CPHXL: variants seen among roughly 807,000 people sequenced by gnomAD.
CPHXL encodes cytoplasmic polyadenylated homeobox-like protein.
In CPHXL at chr16:75,714,225, T is replaced by A; in HGVS notation, c.1217A>T (p.Ter406LeuextTer?). 2.5e-6 allele frequency: 1 copy of A among 398,632 alleles called. No individual in the cohort carries two copies. The highest frequency in any genetic ancestry group is 4.4e-6 in the Non-Finnish European group (1 of 226,108). The allele number at this position is 398,632 out of a possible 1,614,324, so 24.7% of individuals were successfully genotyped here. A position where few individuals can be genotyped will look rare whatever the true frequency, so the allele number is the denominator to read the frequency against. Residue 406 changes from the stop codon to leucine, a stop_lost, in exon 3 of 3, where the codon TAA becomes TTA. Coordinates refer to ENST00000640559, the MANE Select transcript of CPHXL (RefSeq NM_001355613.1). The stretch of plus-strand genomic sequence containing the variant: ...GCAGACCCTTGTCCACTCTTCAACT[T>A]AAAGTTGCTGCATTTGGGTCCTGGG... Reference protein sequence around the residue: ...EQPRTQMQQL* With the variant: ...EQPRTQMQQLL
In CPHXL at chr16:75,718,422, C is replaced by T; in HGVS notation, c.62G>A (p.Arg21Lys). The stretch of plus-strand genomic sequence containing the variant: ...TGTTTTTCTTTTATTCTTTGTTTGT[C>T]TTTCTTCATTATGATGATCCTCTTC... ...PAEEDHHNEE[R>K]QTKNKRKTKH... is the part of the protein sequence containing the mutation. The change falls in exon 2 of 3, where the codon AGA (arginine) becomes AAA (lysine). Residue 21 changes from arginine (R) to lysine (K), a missense_variant. By Grantham distance (26) the Arg-to-Lys change is conservative. Transcript: ENST00000640559. The T allele has an allele frequency of 2.5e-6, 1 of 398,424 alleles. No homozygotes were observed. The highest frequency in any genetic ancestry group is 4.4e-5 in the Admixed American group (1 of 22,698). 24.7% of individuals were successfully genotyped at this position (398,424 alleles called of 1,614,324 possible).
At position 75,726,487 on chromosome 16, in the gene CPHXL, G is replaced by C. The variant is rs887225756; in HGVS notation, c.-45C>G. ...ACTTCACGGAGACCAGCAAGCAACT[G>C]AGATCAGCAAGCAACTGAGCAGCTC... On this transcript the variant is annotated 5_prime_UTR_variant, in exon 1 of 3. Coordinates refer to ENST00000640559, the MANE Select transcript of CPHXL (RefSeq NM_001355613.1). 3 of 398,364 alleles carry C rather than the reference G, an allele frequency of 7.5e-6. No homozygotes were observed. Among genetic ancestry groups the C allele is most frequent in the Non-Finnish European group, 1.3e-5 (3 of 225,992 alleles). The allele number at this position is 398,364 out of a possible 1,614,324, so 24.7% of individuals were successfully genotyped here.
chr16:75,726,272 A>G (rs1422474446), intron 1 of CPHXL, 146 bp downstream of exon 1: 2 of 396,668 alleles, frequency 5.0e-6, no homozygotes, highest in Non-Finnish European at 8.9e-6. Context: ...CAAAGTACCC[A>G]TGAATGCCCT....
Position 75,717,936 on chromosome 16 carries a change from G to A in CPHXL, c.219+329C>T, listed in dbSNP as rs528951115. Among the ~76,000 whole-genome samples, 404 of 152,204 alleles carry A rather than the reference G, an allele frequency of 2.7e-3. 3 individuals carry two copies. The highest frequency in any genetic ancestry group is 7.7e-3 in the South Asian group (37 of 4,832). On this transcript the variant is annotated intron_variant, in intron 2 of 2. Transcript: ENST00000640559. ...TACTTATTGCCCTTTAATTTTATATGGAACAGCTGGATGTGGTGACTCACG... is the reference window on the plus strand; with the variant it reads ...TACTTATTGCCCTTTAATTTTATATAGAACAGCTGGATGTGGTGACTCACG...
At chr16:75,717,347 AT>A (rs1317188732) in intron 2 of CPHXL, among the ~76,000 whole-genome samples, 1 of 152,070 alleles carries the variant, frequency 6.6e-6, no homozygotes, top group Non-Finnish European at 1.5e-5. Flanking sequence ...AATTCTTTAC[AT>A]TTTTCATATT....
intron 1 of CPHXL, among the ~76,000 whole-genome samples, chr16:75,718,695 C>A (rs566874715): frequency 6.6e-6 from 1 of 152,158 alleles, no homozygotes; most frequent in Non-Finnish European, 1.5e-5. Context: ...AGAGTTTTAT[C>A]GAAACACCAT....
intron 2 of CPHXL, among the ~76,000 whole-genome samples, chr16:75,716,427 T>C (rs916542583): frequency 6.6e-6 from 1 of 152,200 alleles, no homozygotes; most frequent in Non-Finnish European, 1.5e-5. Flanking sequence ...TTTGATTAAC[T>C]TGCCAGAGTG....
chr16:75,719,829 G>A (rs1959449322), intron 1 of CPHXL, among the ~76,000 whole-genome samples: 1 of 152,132 alleles, frequency 6.6e-6, no homozygotes, highest in Admixed American at 6.6e-5. Flanking sequence ...TGACCCCTGA[G>A]TAGCCTAACT....
intron 1 of CPHXL, among the ~76,000 whole-genome samples, chr16:75,724,620 A>G (rs1422955256): frequency 6.6e-6 from 1 of 152,214 alleles, no homozygotes; most frequent in Non-Finnish European, 1.5e-5. Flanking sequence ...CAAAGTCAGG[A>G]AACAACAGGT....
At chr16:75,723,461 A>G in intron 1 of CPHXL, among the ~76,000 whole-genome samples, 1 of 152,302 alleles carries the variant, frequency 6.6e-6, no homozygotes, top group South Asian at 2.1e-4. Flanking sequence ...CCAATAACAG[A>G]CAAACAGAGA....
chr16:75,725,997 A>C (rs1959554054), intron 1 of CPHXL, among the ~76,000 whole-genome samples: 2 of 152,096 alleles, frequency 1.3e-5, no homozygotes, highest in African/African-American at 4.8e-5. Context: ...AATGTACAAA[A>C]TTACCAAAAG....
At chr16:75,723,545 G>T (rs569117316) in intron 1 of CPHXL, among the ~76,000 whole-genome samples, 1 of 152,216 alleles carries the variant, frequency 6.6e-6, no homozygotes, top group Non-Finnish European at 1.5e-5. Flanking sequence ...AACTTACAAG[G>T]GATGTGAAGG....
intron 1 of CPHXL, among the ~76,000 whole-genome samples, chr16:75,721,955 C>G (rs1379774627): frequency 2.0e-5 from 3 of 152,194 alleles, no homozygotes; most frequent in Non-Finnish European, 4.4e-5. Context: ...GAAACTCACT[C>G]AAAACTGCTC....
chr16:75,722,422 A>T (rs1017417019), intron 1 of CPHXL, among the ~76,000 whole-genome samples: 1 of 152,220 alleles, frequency 6.6e-6, no homozygotes, highest in Admixed American at 6.5e-5. Flanking sequence ...GATAAAGGGG[A>T]TATCATCACT....
chr16:75,716,712 C>T (rs990491825), intron 2 of CPHXL, among the ~76,000 whole-genome samples: 6 of 152,160 alleles, frequency 3.9e-5, no homozygotes, highest in Admixed American at 3.3e-4. Flanking sequence ...CCTTCAGCTC[C>T]ACCTCCTCTC....
chr16:75,720,660 C>A (rs1435007872), intron 1 of CPHXL, among the ~76,000 whole-genome samples: 2 of 152,158 alleles, frequency 1.3e-5, no homozygotes, highest in Admixed American at 1.3e-4. Context: ...GAGAATGGAA[C>A]CAAGTTGGAA....
chr16:75,723,036 G>T (rs1959501219), intron 1 of CPHXL, among the ~76,000 whole-genome samples: 1 of 152,140 alleles, frequency 6.6e-6, no homozygotes, highest in African/African-American at 2.4e-5. Context: ...AAAGGCCTTT[G>T]ACAAAATTCA....
intron 1 of CPHXL, among the ~76,000 whole-genome samples, chr16:75,720,145 G>C (rs1959454325): frequency 6.6e-6 from 1 of 152,146 alleles, no homozygotes; most frequent in African/African-American, 2.4e-5. Context: ...AAACCACAAA[G>C]ATGGGGAAAA....
chr16:75,722,255 A>G (rs893584170), intron 1 of CPHXL, among the ~76,000 whole-genome samples: 2 of 152,144 alleles, frequency 1.3e-5, no homozygotes, highest in African/African-American at 2.4e-5. Flanking sequence ...AACTAAGATC[A>G]GAGCAGAACT....
Sources: gnomAD v4.1 joint callset for allele counts (sites outside exome capture counted in the v4.1 genomes callset) on GRCh38, gnomAD v4.1.1 for gene constraint, MANE v1.5 for transcripts, NCBI Gene and HGNC (gene_info 2026-07-23, HGNC 2026-07-21) for gene names.